Variants in USP31 observed in about 807,000 individuals in gnomAD.
The protein encoded by USP31 is ubiquitin carboxyl-terminal hydrolase 31.
USP31 carries 44 observed loss-of-function variants against 119.4 expected under a neutral mutation model. The ratio of observed to expected loss-of-function variants is 0.37; its 90% confidence interval spans 0.29 to 0.47. USP31 has a LOEUF of 0.47. Among genes scored for constraint, USP31 ranks in the 20% least tolerant of loss-of-function variants. The pLI, the probability that USP31 is intolerant of heterozygous loss-of-function variation, is 0.99. For synonymous variants in USP31, 749 were observed against 705.6 expected (o/e 1.06, Z -0.97); for missense variants, 1,643 against 1,730.2 (o/e 0.95, Z 0.89).
chr16:23,091,862 T>C (rs1333516133), intron 6 of USP31, among the ~76,000 whole-genome samples: 3 of 152,188 alleles, frequency 2.0e-5, no homozygotes, highest in African/African-American at 7.2e-5. Context: ...CAGGAGTAGA[T>C]CTTACTTCCT....
intron 6 of USP31, among the ~76,000 whole-genome samples, chr16:23,096,777 G>A (rs1331591148): frequency 1.3e-5 from 2 of 152,172 alleles, no homozygotes; most frequent in African/African-American, 4.8e-5. Flanking sequence ...CAGAAATAAA[G>A]ATGTTCTTTG....
In USP31 at chr16:23,106,445, G is replaced by C; in HGVS notation, c.814C>G (p.Pro272Ala). Residue 272 changes from proline (P) to alanine (A), a missense_variant, in exon 3 of 16, where the codon CCT becomes GCT. By Grantham distance (27) the Pro-to-Ala change is conservative. Transcript: ENST00000219689. ...TCTTGTACAAAAGTGCTACAGACAG[G>C]GAAAGATGGTCCCTCAGGCATCATA... ...TDMMPEGPSF[P>A]VCSTFVQELF... 6.2e-7 allele frequency: 1 copy of C among 1,613,634 alleles called. No individual in the cohort carries two copies. Among genetic ancestry groups the C allele is most frequent in the Non-Finnish European group, 8.5e-7 (1 of 1,179,856 alleles).
chr16:23,066,932 G>C lies in USP31; in HGVS notation c.*1114C>G, dbSNP rs2141821424. ...TAACAGAGACTGACAGACAGGATCTGAAGTGCATATGTAACACTTGATCAC... is the reference window on the plus strand; with the variant it reads ...TAACAGAGACTGACAGACAGGATCTCAAGTGCATATGTAACACTTGATCAC... On this transcript the variant is annotated 3_prime_UTR_variant, in exon 16 of 16. Coordinates refer to ENST00000219689, the MANE Select transcript of USP31 (RefSeq NM_020718.4). 6.6e-6 allele frequency: 1 copy of C among 152,336 alleles called. No homozygotes were observed. The highest frequency in any genetic ancestry group is 1.9e-4 in the East Asian group (1 of 5,188). The allele number at this position is 152,336 out of a possible 1,614,324, so 9.4% of individuals were successfully genotyped here.
chr16:23,083,121 C>A (rs939125478), intron 11 of USP31, among the ~76,000 whole-genome samples: 4 of 152,124 alleles, frequency 2.6e-5, no homozygotes, highest in Non-Finnish European at 4.4e-5. Context: ...TGAGCCACTG[C>A]GCCCGGCCAG....
rs145507080 is a variant in USP31 at position 23,096,556 on chromosome 16, A to G, written c.1235-5752T>C. ...GAATATACATTCTTCTCAGCACCAC[A>G]TCGCACTTATTCTAAAATTGACCAC... is the stretch of plus-strand genomic sequence containing the variant. On this transcript the variant is annotated intron_variant, in intron 6 of 15. Transcript: ENST00000219689. Among the ~76,000 whole-genome samples the G allele has an allele frequency of 4.7e-3, 716 of 152,296 alleles. 3 individuals are homozygous for G. Among genetic ancestry groups the G allele is most frequent in the African/African-American group, 0.017 (686 of 41,546 alleles).
In USP31 at chr16:23,101,116, A is replaced by G. The variant is rs569250808; in HGVS notation, c.1234+1203T>C. Among the ~76,000 whole-genome samples, 480 of 152,316 alleles carry G rather than the reference A, an allele frequency of 3.2e-3. 4 individuals are homozygous for G. The highest frequency in any genetic ancestry group is 0.011 in the African/African-American group (455 of 41,564). ...AACATGATCAGAACTGTGTATTAGAATAAGTCTGTGGAGAAATAACTAGAC... is the reference window on the plus strand; with the variant it reads ...AACATGATCAGAACTGTGTATTAGAGTAAGTCTGTGGAGAAATAACTAGAC... On this transcript the variant is annotated intron_variant, in intron 6 of 15. Transcript: ENST00000219689.
In USP31 at chr16:23,068,957, C is replaced by G; in HGVS notation, c.3148G>C (p.Glu1050Gln). The change falls in exon 16 of 16, where the codon GAG becomes CAG. Residue 1050 changes from glutamate to glutamine, a missense_variant. This residue lies in a region of USP31 where 699 missense variants were observed against 650.9 expected (regional missense o/e 1.07). Transcript: ENST00000219689. ...GGGGATGTACTTGAAAGGGATGACT[C>G]CTGGCTTGCCAAGGCTGGTCTCCCC... ...RKGRPALASQESSLSSTSPSS... is the reference protein window; with the variant it reads ...RKGRPALASQQSSLSSTSPSS... The G allele has an allele frequency of 6.2e-7, 1 of 1,614,170 alleles. No individual in the cohort carries two copies. Among genetic ancestry groups the G allele is most frequent in the Non-Finnish European group, 8.5e-7 (1 of 1,180,008 alleles).
At chr16:23,084,811 C>T in intron 11 of USP31, 49 bp downstream of exon 11, 1 of 1,604,364 alleles carries the variant, frequency 6.2e-7, no homozygotes, top group Non-Finnish European at 8.5e-7. Flanking sequence ...TTGCCATGCC[C>T]CACTCCCCAC....
At chr16:23,076,175 C>T (rs950073367) in intron 13 of USP31, among the ~76,000 whole-genome samples, 11 of 151,598 alleles carry the variant, frequency 7.3e-5, no homozygotes, top group Admixed American at 5.3e-4. Context: ...GCATGCTGGG[C>T]TTAATACCTA....
chr16:23,074,523 G>C (rs1311380467), intron 13 of USP31, among the ~76,000 whole-genome samples: 1 of 152,180 alleles, frequency 6.6e-6, no homozygotes, highest in Non-Finnish European at 1.5e-5. Flanking sequence ...TCCAGAGGTT[G>C]AAAAAGATTA....
chr16:23,085,661 C>T lies in USP31; in HGVS notation c.1624G>A (p.Ala542Thr), dbSNP rs1901077607. 3 of 1,612,270 alleles carry T rather than the reference C, an allele frequency of 1.9e-6. No homozygotes were observed. The highest frequency in any genetic ancestry group is 1.7e-5 in the Admixed American group (1 of 59,806). The change falls in exon 10 of 16, where the codon GCA becomes ACA. Residue 542 changes from alanine to threonine, a missense_variant and splice_region_variant. Physicochemically the swap from Ala to Thr is moderately conservative, Grantham distance 58. Coordinates refer to ENST00000219689, the MANE Select transcript of USP31 (RefSeq NM_020718.4). Reference sequence around the variant, plus strand: ...CCACCTGGTCCACAAGATTTTAATGCCCTATAGAACCAGGGAAGTGGAGAG... The same window carrying T: ...CCACCTGGTCCACAAGATTTTAATGTCCTATAGAACCAGGGAAGTGGAGAG... ...QPLCHPIVER[A>T]LKSCGPGGTA...
At chr16:23,128,937 G>A (rs547626613) in intron 1 of USP31, among the ~76,000 whole-genome samples, 1 of 152,164 alleles carries the variant, frequency 6.6e-6, no homozygotes, top group Non-Finnish European at 1.5e-5. Context: ...TGAAGTTTCC[G>A]TTGCCAGTCC....
At chr16:23,097,466 C>T (rs992172399) in intron 6 of USP31, among the ~76,000 whole-genome samples, 1 of 152,222 alleles carries the variant, frequency 6.6e-6, no homozygotes, top group Non-Finnish European at 1.5e-5. Flanking sequence ...TCCTCCCTAA[C>T]TCATTTTATG....
intron 1 of USP31, among the ~76,000 whole-genome samples, chr16:23,130,376 A>G (rs1199584003): frequency 2.6e-5 from 4 of 152,098 alleles, no homozygotes; most frequent in Non-Finnish European, 5.9e-5. Flanking sequence ...ACTTGAGGCC[A>G]GGAGTTCGAG....
At chr16:23,108,296 T>C in intron 1 of USP31, 113 bp from the exon 2 acceptor site, 2 of 1,414,944 alleles carry the variant, frequency 1.4e-6, no homozygotes, top group South Asian at 1.5e-5. Context: ...TAGAGAATAC[T>C]TCCCAGAAGG....
intron 1 of USP31, among the ~76,000 whole-genome samples, chr16:23,123,381 T>C (rs1260730174): frequency 6.6e-6 from 1 of 151,742 alleles, no homozygotes; most frequent in Non-Finnish European, 1.5e-5. Flanking sequence ...CTACTAAAAA[T>C]ACAAAAATCA....
At chr16:23,111,026 G>A (rs932649274) in intron 1 of USP31, among the ~76,000 whole-genome samples, 1 of 152,158 alleles carries the variant, frequency 6.6e-6, no homozygotes, top group Non-Finnish European at 1.5e-5. Flanking sequence ...GACTTGGGAG[G>A]CTGAGGCAGG....
intron 6 of USP31, among the ~76,000 whole-genome samples, chr16:23,098,357 A>G (rs1300842039): frequency 1.3e-5 from 2 of 152,246 alleles, no homozygotes; most frequent in Admixed American, 6.5e-5. Context: ...TTCCATGCTC[A>G]TGGATAGGAA....
chr16:23,094,953 C>T (rs1405157601), intron 6 of USP31, among the ~76,000 whole-genome samples: 2 of 152,152 alleles, frequency 1.3e-5, no homozygotes. Flanking sequence ...TCTTCTCCTC[C>T]AAGGATCGCA....
Sources: allele counts gnomAD v4.1 joint callset (sites outside exome capture counted in the v4.1 genomes callset), GRCh38; gene constraint gnomAD v4.1.1; regional missense constraint gnomAD v4.1.1; transcripts MANE v1.5; gene names NCBI Gene and HGNC (gene_info 2026-07-23, HGNC 2026-07-21).